Variants in PRKG1 observed in about 807,000 individuals in gnomAD.
The protein encoded by PRKG1 is protein kinase cGMP-dependent 1, also known as cGMP-dependent protein kinase 1.
In PRKG1, 35 loss-of-function variants were observed where a neutral mutation model predicts 88.1. That is an observed-to-expected ratio of 0.40 (90% CI 0.30 to 0.53). The LOEUF (loss-of-function observed/expected upper bound fraction) is 0.53. Ranked by LOEUF, PRKG1 falls within the 20% of genes least tolerant of loss-of-function variation. The probability of loss-of-function intolerance (pLI) is 0.59; values close to 1 mark genes in which losing one functional copy is unlikely to be tolerated. For synonymous variants in PRKG1, 303 were observed against 292.5 expected, an observed-to-expected ratio of 1.04 and a Z score of -0.37; for missense variants, 540 against 839.8, an observed-to-expected ratio of 0.64 and a Z score of 4.41.
At chr10:51,172,931 G>A (rs898081319) in intron 2 of PRKG1, among the ~76,000 whole-genome samples, 3 of 151,900 alleles carry the variant, frequency 2.0e-5, no homozygotes, top group Non-Finnish European at 4.4e-5. Flanking sequence ...GGTGTTCCCC[G>A]ATGCCTAGCC....
intron 9 of PRKG1, among the ~76,000 whole-genome samples, chr10:52,220,731 C>A (rs1258296117): frequency 2.0e-5 from 3 of 152,070 alleles, no homozygotes; most frequent in African/African-American, 7.2e-5. Context: ...ACCCATGTTC[C>A]TGCAGAGGAC....
intron 2 of PRKG1, among the ~76,000 whole-genome samples, chr10:51,298,208 G>A (rs1194016614): frequency 6.6e-6 from 1 of 152,086 alleles, no homozygotes; most frequent in Non-Finnish European, 1.5e-5. Flanking sequence ...TTGCACAGGT[G>A]GCAAATGATA....
intron 2 of PRKG1, among the ~76,000 whole-genome samples, chr10:51,458,853 C>A (rs1386225908): frequency 6.6e-6 from 1 of 152,118 alleles, no homozygotes; most frequent in Admixed American, 6.6e-5. Flanking sequence ...TGGATCGAAA[C>A]TACAGAAACC....
intron 3 of PRKG1, among the ~76,000 whole-genome samples, chr10:51,545,320 G>A (rs1301854420): frequency 6.6e-6 from 1 of 152,000 alleles, no homozygotes; most frequent in Non-Finnish European, 1.5e-5. Context: ...TTATTCTCTA[G>A]TGCAGTTATG....
intron 3 of PRKG1, among the ~76,000 whole-genome samples, chr10:51,625,209 G>A (rs1365918362): frequency 6.6e-6 from 1 of 152,164 alleles, no homozygotes; most frequent in African/African-American, 2.4e-5. Context: ...CAGGCATGGT[G>A]GCTTATGCCT....
At position 51,074,725 on chromosome 10, in the gene PRKG1, G is replaced by A. The variant is rs1189253229; in HGVS notation, c.135G>A (p.Glu45=). 6.2e-7 allele frequency: 1 copy of A among 1,614,100 alleles called. No individual in the cohort carries two copies. Among genetic ancestry groups the A allele is most frequent in the Admixed American group, 1.7e-5 (1 of 60,022 alleles). Residue 45 remains glutamate (E), a synonymous_variant, in exon 1 of 18, where the codon GAG becomes GAA. Transcript: ENST00000373980. ...KDELIQKLQN[E]LDKYRSVIRP... ...AACTGATCCAGAAGCTGCAGAACGAGCTGGACAAGTACCGCTCGGTGATCC... is the reference window on the plus strand; with the variant it reads ...AACTGATCCAGAAGCTGCAGAACGAACTGGACAAGTACCGCTCGGTGATCC...
intron 3 of PRKG1, among the ~76,000 whole-genome samples, chr10:51,588,258 A>G (rs1374404406): frequency 6.6e-6 from 1 of 152,192 alleles, no homozygotes; most frequent in Non-Finnish European, 1.5e-5. Context: ...ACATCTTGGA[A>G]AACACTATCA....
chr10:51,529,073 G>T (rs1841952756), intron 3 of PRKG1, among the ~76,000 whole-genome samples: 1 of 151,958 alleles, frequency 6.6e-6, no homozygotes, highest in Non-Finnish European at 1.5e-5. Flanking sequence ...AAGATTTTTA[G>T]TTTGTCCACA....
chr10:51,342,425 C>T (rs1842022948), intron 2 of PRKG1, among the ~76,000 whole-genome samples: 1 of 152,092 alleles, frequency 6.6e-6, no homozygotes, highest in African/African-American at 2.4e-5. Flanking sequence ...TGTGATCAAA[C>T]TTTCTAAGAG....
chr10:51,966,068 A>G (rs932021446), intron 5 of PRKG1, among the ~76,000 whole-genome samples: 3 of 152,192 alleles, frequency 2.0e-5, no homozygotes, highest in Non-Finnish European at 2.9e-5. Flanking sequence ...CAAATAATCA[A>G]TGTAAATGTT....
At chr10:51,777,470 G>A (rs1052195616) in intron 3 of PRKG1, among the ~76,000 whole-genome samples, 1 of 151,830 alleles carries the variant, frequency 6.6e-6, no homozygotes, top group Admixed American at 6.6e-5. Context: ...TATTTTTTAG[G>A]GTAGTTCTAT....
At chr10:51,343,208 A>G (rs977428208) in intron 2 of PRKG1, among the ~76,000 whole-genome samples, 9 of 152,186 alleles carry the variant, frequency 5.9e-5, no homozygotes, top group Admixed American at 3.3e-4. Context: ...TTTCTTGTAT[A>G]TCTTTTTTTT....
intron 3 of PRKG1, among the ~76,000 whole-genome samples, chr10:51,626,571 A>G (rs1330076726): frequency 6.6e-6 from 1 of 152,222 alleles, no homozygotes; most frequent in African/African-American, 2.4e-5. Context: ...TCTTCAAATC[A>G]TAATGAATAG....
chr10:51,585,682 A>G (rs1468325839), intron 3 of PRKG1, among the ~76,000 whole-genome samples: 1 of 152,134 alleles, frequency 6.6e-6, no homozygotes, highest in Non-Finnish European at 1.5e-5. Flanking sequence ...CGTTCATCAC[A>G]GCACTATTCA....
intron 2 of PRKG1, among the ~76,000 whole-genome samples, chr10:51,345,341 A>G (rs763684782): frequency 1.4e-4 from 22 of 152,130 alleles, no homozygotes; most frequent in Non-Finnish European, 2.4e-4. Flanking sequence ...CTTTAAAATT[A>G]TATTTTCTAA....
At chr10:51,280,108 G>T (rs1291587807) in intron 2 of PRKG1, among the ~76,000 whole-genome samples, 3 of 152,046 alleles carry the variant, frequency 2.0e-5, no homozygotes, top group African/African-American at 7.3e-5. Flanking sequence ...GTCTGTAAAG[G>T]ATTTTATTTC....
intron 2 of PRKG1, among the ~76,000 whole-genome samples, chr10:51,301,485 C>T (rs1307018729): frequency 1.3e-5 from 2 of 152,144 alleles, no homozygotes; most frequent in African/African-American, 4.8e-5. Context: ...AATTTTTAAA[C>T]ATTACAGCCT....
intron 2 of PRKG1, among the ~76,000 whole-genome samples, chr10:51,364,993 T>C (rs922845581): frequency 2.0e-5 from 3 of 151,924 alleles, no homozygotes; most frequent in African/African-American, 7.2e-5. Context: ...TAATGAAAGG[T>C]TCTTTTCCTG....
intron 6 of PRKG1, 40 bp from the exon 7 acceptor site, chr10:52,062,497 G>C: frequency 7.7e-7 from 1 of 1,294,624 alleles, no homozygotes. Flanking sequence ...TCCATTGTGG[G>C]TAAGCAGTGG....
Sources: gnomAD v4.1 joint callset for allele counts (sites outside exome capture counted in the v4.1 genomes callset) on GRCh38, gnomAD v4.1.1 for gene constraint, MANE v1.5 for transcripts, NCBI Gene and HGNC (gene_info 2026-07-23, HGNC 2026-07-21) for gene names.